PCDHGA1: variants seen among roughly 807,000 people sequenced by gnomAD.
PCDHGA1 encodes protocadherin gamma-A1.
PCDHGA1 carries 32 observed loss-of-function variants against 58.0 expected under a neutral mutation model. The ratio of observed to expected loss-of-function variants is 0.55; its 90% confidence interval spans 0.42 to 0.74. The LOEUF is 0.74. PCDHGA1 is among the 30% of genes least tolerant of loss of function. The pLI, the probability that PCDHGA1 is intolerant of heterozygous loss-of-function variation, is 0.00. For missense variants in PCDHGA1, 1,205 were observed against 1,182.3 expected, an observed-to-expected ratio of 1.02 and a Z score of -0.28; for synonymous variants, 498 against 501.1, an observed-to-expected ratio of 0.99 and a Z score of 0.08.
rs1177043977 is a variant in PCDHGA1, at chr5:141,491,919, C to G, written c.2422-2888C>G. On this transcript the variant is annotated intron_variant, in intron 1 of 3. Coordinates refer to ENST00000517417, the MANE Select transcript of PCDHGA1 (RefSeq NM_018912.3). The surrounding 1 kb of genome is among the most constrained non-coding windows in gnomAD (Gnocchi z 6.9). ...CACCGGGGGTGGTGGCGACTGTGGG[C>G]GAGGGGAGGTGGGACCGACCCCCAC... 5 of 1,361,900 alleles carry G rather than the reference C, an allele frequency of 3.7e-6. No homozygotes were observed. The South Asian group carries it at 7.8e-5, about 21-fold the overall frequency. The allele number at this position is 1,361,900 out of a possible 1,614,324, so 84.4% of individuals were successfully genotyped here. A position where few individuals can be genotyped will look rare whatever the true frequency, so the allele number is the denominator to read the frequency against.
Position 141,491,900 on chromosome 5 carries a change from G to T in PCDHGA1, c.2422-2907G>T. The T allele has an allele frequency of 7.0e-7, 1 of 1,429,936 alleles. No homozygotes were observed. The highest frequency in any genetic ancestry group is 1.5e-5 in the South Asian group (1 of 67,072). 88.6% of individuals were successfully genotyped at this position (1,429,936 alleles called of 1,614,324 possible). A position where few individuals can be genotyped will look rare whatever the true frequency, so the allele number is the denominator to read the frequency against. ...TAAGGGATGGGGCTCCGAGCACCGG[G>T]GGTGGTGGCGACTGTGGGCGAGGGG... On this transcript the variant is annotated intron_variant, in intron 1 of 3. Transcript: ENST00000517417. This position sits in a 1 kb window ranked among gnomAD's most constrained non-coding sequence, Gnocchi z 6.9.
chr5:141,360,379 GGAGACTTACTTGTGAGTGACA>G (rs761769972), intron 1 of PCDHGA1: 9 of 1,613,760 alleles, frequency 5.6e-6, no homozygotes, highest in Non-Finnish European at 7.6e-6. Flanking sequence ...CCCAGAAAGC[GGAGACTTACTTGTGAGTGACA>G]GAATAGACCG....
chr5:141,371,360 G>A (rs1337014125), intron 1 of PCDHGA1: 2 of 1,613,842 alleles, frequency 1.2e-6, no homozygotes, highest in Admixed American at 1.7e-5. Context: ...TGGAAGCAAA[G>A]GATGGTGGAC....
intron 1 of PCDHGA1, chr5:141,362,323 G>A: frequency 6.2e-7 from 1 of 1,614,082 alleles, no homozygotes; most frequent in East Asian, 2.2e-5. Flanking sequence ...TTTTCAGCCT[G>A]GTCTCAGCTC....
Position 141,485,096 on chromosome 5 carries a change from CCAG to C in PCDHGA1, c.2422-9709_2422-9707del. The C allele has an allele frequency of 8.9e-7, 1 of 1,125,684 alleles. No homozygotes were observed. The highest frequency in any genetic ancestry group is 1.3e-6 in the Non-Finnish European group (1 of 759,466). 69.7% of individuals were successfully genotyped at this position (1,125,684 alleles called of 1,614,324 possible). A position where few individuals can be genotyped will look rare whatever the true frequency, so the allele number is the denominator to read the frequency against. ...CGCGGGGAAAGGGAGATAGGTGTCTCCAGCTGCTGTGGCTGTTTGGGGCGGGTC... is the reference window on the plus strand; with the variant it reads ...CGCGGGGAAAGGGAGATAGGTGTCTCCTGCTGTGGCTGTTTGGGGCGGGTC... On this transcript the variant is annotated intron_variant, in intron 1 of 3. Transcript: ENST00000517417. The surrounding 1 kb of genome is among the most constrained non-coding windows in gnomAD (Gnocchi z 5.7).
chr5:141,337,324 T>A (rs761742975), intron 1 of PCDHGA1, among the ~76,000 whole-genome samples: 31 of 152,334 alleles, frequency 2.0e-4, no homozygotes, highest in Middle Eastern at 6.8e-3. Flanking sequence ...TGTACACCTA[T>A]GTTTATGGCA....
chr5:141,432,084 T>A lies in PCDHGA1; in HGVS notation c.2422-62723T>A, dbSNP rs1372151428. 1.2e-6 allele frequency: 2 copies of A among 1,614,186 alleles called. No individual in the cohort carries two copies. Among genetic ancestry groups the A allele is most frequent in the Admixed American group, 1.7e-5 (1 of 60,022 alleles). On this transcript the variant is annotated intron_variant, in intron 1 of 3. Transcript: ENST00000517417. This position sits in a 1 kb window ranked among gnomAD's most constrained non-coding sequence, Gnocchi z 6.0. Reference sequence around the variant, plus strand: ...ACGGAAACTCATATCTCGCTGAACGTGGCAGACACCAACGACAACCCGCCG... The same window carrying A: ...ACGGAAACTCATATCTCGCTGAACGAGGCAGACACCAACGACAACCCGCCG...
Position 141,489,690 on chromosome 5 carries a change from A to T in PCDHGA1, c.2422-5117A>T. The T allele has an allele frequency of 6.2e-7, 1 of 1,614,198 alleles. No individual in the cohort carries two copies. The highest frequency in any genetic ancestry group is 8.5e-7 in the Non-Finnish European group (1 of 1,180,024). ...TCTCAGAATCAGCAGCATCTGGGGC[A>T]CGATTCCCACTGGACAGTGCCCAGG... On this transcript the variant is annotated intron_variant, in intron 1 of 3. Coordinates refer to ENST00000517417, the MANE Select transcript of PCDHGA1 (RefSeq NM_018912.3). The surrounding 1 kb of genome is among the most constrained non-coding windows in gnomAD (Gnocchi z 4.5).
In PCDHGA1 at chr5:141,485,115, G is replaced by A. The variant is rs1043877839; in HGVS notation, c.2422-9692G>A. 6.9e-6 allele frequency: 9 copies of A among 1,300,470 alleles called. No individual in the cohort carries two copies. Among genetic ancestry groups the A allele is most frequent in the Non-Finnish European group, 1.1e-6 (1 of 911,406 alleles). 80.6% of individuals were successfully genotyped at this position (1,300,470 alleles called of 1,614,324 possible). ...GTGTCTCCAGCTGCTGTGGCTGTTT[G>A]GGGCGGGTCGGCTTCATCCGCGTCT... On this transcript the variant is annotated intron_variant, in intron 1 of 3. Coordinates refer to ENST00000517417, the MANE Select transcript of PCDHGA1 (RefSeq NM_018912.3). The surrounding 1 kb of genome is among the most constrained non-coding windows in gnomAD (Gnocchi z 5.7).
intron 1 of PCDHGA1, among the ~76,000 whole-genome samples, chr5:141,387,210 C>T (rs944882080): frequency 3.9e-5 from 6 of 152,012 alleles, no homozygotes; most frequent in Non-Finnish European, 5.9e-5. Context: ...CTGATACTCT[C>T]CGGAAAAAGT....
At chr5:141,364,634 T>C (rs762469223) in intron 1 of PCDHGA1, 5 of 1,614,006 alleles carry the variant, frequency 3.1e-6, no homozygotes, top group Non-Finnish European at 3.4e-6. Context: ...GAGCCCACTG[T>C]GTGTGGTGAA....
intron 1 of PCDHGA1, among the ~76,000 whole-genome samples, chr5:141,336,809 A>T (rs1756638040): frequency 6.6e-6 from 1 of 152,226 alleles, no homozygotes; most frequent in Admixed American, 6.5e-5. Context: ...ACAGTTAAAA[A>T]CTATATGCAG....
At position 141,394,369 on chromosome 5, in the gene PCDHGA1, C is replaced by T. The variant is rs183754735; in HGVS notation, c.2421+61264C>T. On this transcript the variant is annotated intron_variant, in intron 1 of 3. Transcript: ENST00000517417. Reference sequence around the variant, plus strand: ...ACCGGTGTCCTGTATGCGCTGCAATCTTTCGACTATGAGCAGATCCGAGAC... The same window carrying T: ...ACCGGTGTCCTGTATGCGCTGCAATTTTTCGACTATGAGCAGATCCGAGAC... 3.7e-5 allele frequency: 59 copies of T among 1,614,206 alleles called. No homozygotes were observed. Among genetic ancestry groups the T allele is most frequent in the Middle Eastern group, 1.6e-4 (1 of 6,062 alleles).
rs1562137380 is a variant in PCDHGA1, at chr5:141,490,297, G to T, written c.2422-4510G>T. On this transcript the variant is annotated intron_variant, in intron 1 of 3. Coordinates refer to ENST00000517417, the MANE Select transcript of PCDHGA1 (RefSeq NM_018912.3). This position sits in a 1 kb window ranked among gnomAD's most constrained non-coding sequence, Gnocchi z 5.4. The stretch of plus-strand genomic sequence containing the variant: ...TGACAATGCCCCAGAGGTGCTATTG[G>T]CCTCTTTGGCCAACCCTGTCCTAGA... 2 of 1,614,202 alleles carry T rather than the reference G, an allele frequency of 1.2e-6. No individual in the cohort carries two copies. Among genetic ancestry groups the T allele is most frequent in the South Asian group, 1.1e-5 (1 of 91,086 alleles).
chr5:141,423,474 T>C, intron 1 of PCDHGA1: 1 of 1,614,004 alleles, frequency 6.2e-7, no homozygotes, highest in Non-Finnish European at 8.5e-7. Flanking sequence ...GGGTACAGGC[T>C]TTCCTGCAAA....
At chr5:141,343,816 G>GA in intron 1 of PCDHGA1, 3 of 475,220 alleles carry the variant, frequency 6.3e-6, no homozygotes, top group Middle Eastern at 5.5e-4. Context: ...GAACGCAGCT[G>GA]GAGAACTAGT....
At chr5:141,398,009 C>A (rs1589315775) in intron 1 of PCDHGA1, 6 of 1,400,558 alleles carry the variant, frequency 4.3e-6, no homozygotes, top group East Asian at 5.1e-5. Flanking sequence ...GAAAAAGAAT[C>A]GTTTCCTAAA....
In PCDHGA1 at chr5:141,433,322, T is replaced by A. The variant is rs907709272; in HGVS notation, c.2422-61485T>A. On this transcript the variant is annotated intron_variant, in intron 1 of 3. Transcript: ENST00000517417. ...AATTATCCCACCTTTGCCTCCGGTGTAACAGGGACTACAGGTGCAAGCCAC... is the reference window on the plus strand; with the variant it reads ...AATTATCCCACCTTTGCCTCCGGTGAAACAGGGACTACAGGTGCAAGCCAC... The A allele has an allele frequency of 5.3e-6, 4 of 760,298 alleles. No homozygotes were observed. In the African/African-American group the frequency reaches 7.1e-5, roughly 13 times the overall value. The allele number at this position is 760,298 out of a possible 1,614,324, so 47.1% of individuals were successfully genotyped here.
Position 141,405,224 on chromosome 5 carries a change from T to C in PCDHGA1, c.2421+72119T>C, listed in dbSNP as rs542102197. Reference sequence around the variant, plus strand: ...CCTACAGACCTATTCTCAGGAGTTCTCCCTCACCGCTGACTCAAGGAAGAG... The same window carrying C: ...CCTACAGACCTATTCTCAGGAGTTCCCCCTCACCGCTGACTCAAGGAAGAG... On this transcript the variant is annotated intron_variant, in intron 1 of 3. Coordinates refer to ENST00000517417, the MANE Select transcript of PCDHGA1 (RefSeq NM_018912.3). The C allele has an allele frequency of 2.6e-5, 42 of 1,614,036 alleles. No homozygotes were observed. The African/African-American group carries it at 4.7e-4, about 18-fold the overall frequency.
Sources: gnomAD v4.1 joint callset for allele counts (sites outside exome capture counted in the v4.1 genomes callset) on GRCh38, gnomAD v4.1.1 for gene constraint, Gnocchi (gnomAD v3.1) non-coding constraint, MANE v1.5 for transcripts, NCBI Gene and HGNC (gene_info 2026-07-23, HGNC 2026-07-21) for gene names.